The following RFX8 variants were observed in gnomAD, a reference collection of about 807,000 sequenced individuals.
RFX8 encodes regulatory factor X8.
RFX8 carries 46 observed loss-of-function variants against 54.6 expected under a neutral mutation model. That is an observed-to-expected ratio of 0.84 (90% CI 0.67 to 1.08). The LOEUF (loss-of-function observed/expected upper bound fraction) is 1.08. Ranked by LOEUF, RFX8 falls within the 50% of genes least tolerant of loss-of-function variation. RFX8 has a pLI of 0.00. For synonymous variants in RFX8, 192 were observed against 209.5 expected (o/e 0.92, Z 0.72); for missense variants, 536 against 562.3 (o/e 0.95, Z 0.47).
chr2:101,461,729 A>T (rs954217008), intron 2 of RFX8, among the ~76,000 whole-genome samples: 1 of 152,216 alleles, frequency 6.6e-6, no homozygotes. Context: ...AAATATAATT[A>T]AGTTAAAAAT....
chr2:101,423,259 C>CAAAAAA (rs10686930), intron 2 of RFX8, among the ~76,000 whole-genome samples: 1 of 97,002 alleles, frequency 1.0e-5, no homozygotes, highest in African/African-American at 4.0e-5. Context: ...AACTCCATCT[C>CAAAAAA]AAAAAAAAAA....
chr2:101,398,540 T>C (rs563657859), intron 11 of RFX8, among the ~76,000 whole-genome samples: 8 of 152,094 alleles, frequency 5.3e-5, no homozygotes, highest in African/African-American at 1.7e-4. Context: ...ATCCGTCAAA[T>C]AAACCACTAA....
intron 2 of RFX8, among the ~76,000 whole-genome samples, chr2:101,447,068 G>A (rs1388125855): frequency 6.6e-6 from 1 of 152,182 alleles, no homozygotes; most frequent in Non-Finnish European, 1.5e-5. Context: ...ATTTGAGGTT[G>A]AGTTTGAGGT....
intron 2 of RFX8, among the ~76,000 whole-genome samples, chr2:101,435,264 G>A (rs751259182): frequency 3.9e-5 from 6 of 152,188 alleles, no homozygotes; most frequent in Non-Finnish European, 7.4e-5. Flanking sequence ...GCTTTTTAAA[G>A]GCCTTTAATA....
intron 8 of RFX8, among the ~76,000 whole-genome samples, 167 bp downstream of exon 8, chr2:101,412,748 G>A (rs1234805809): frequency 2.0e-5 from 3 of 152,282 alleles, no homozygotes; most frequent in Non-Finnish European, 2.9e-5. Flanking sequence ...GCGTCCCCTG[G>A]GGTGTTCATC....
chr2:101,423,316 T>C (rs1485343152), intron 2 of RFX8, among the ~76,000 whole-genome samples: 1 of 150,664 alleles, frequency 6.6e-6, no homozygotes, highest in Non-Finnish European at 1.5e-5. Context: ...AAAGGTGGCA[T>C]GGCAGAAAGC....
chr2:101,474,439 G>T (rs897749890), intron 1 of RFX8, 197 bp downstream of exon 1: 4 of 363,036 alleles, frequency 1.1e-5, no homozygotes, highest in African/African-American at 8.5e-5. Flanking sequence ...CTCCAGGCCC[G>T]AGCCCGGGGG....
At chr2:101,437,773 TCCCAAG>T (rs1687860508) in intron 2 of RFX8, among the ~76,000 whole-genome samples, 1 of 11,406 alleles carries the variant, frequency 8.8e-5, no homozygotes, top group African/African-American at 1.8e-4. Context: ...ATCTTAAATT[TCCCAAG>T]TTTTACTTAA....
chr2:101,454,407 T>C (rs1688856692), intron 2 of RFX8, among the ~76,000 whole-genome samples: 1 of 152,256 alleles, frequency 6.6e-6, no homozygotes, highest in Non-Finnish European at 1.5e-5. Context: ...TTTGGGTATA[T>C]ACCCAGTAAT....
In RFX8 at chr2:101,402,620, C is replaced by G; in HGVS notation, c.1061G>C (p.Gly354Ala). ...ATGGAAAAGTGCCTGGTCTGGCTGG[C>G]CGAGAGTCGGGTCATCTGGTAGCAT... ...KEMLPDDPTL[G>A]QPDQALFHSL... The change falls in exon 11 of 12, where the codon GGC becomes GCC. Residue 354 changes from glycine to alanine, a missense_variant. Transcript: ENST00000428343. 1 of 1,552,374 alleles carries G rather than the reference C, an allele frequency of 6.4e-7. No homozygotes were observed. The highest frequency in any genetic ancestry group is 8.7e-7 in the Non-Finnish European group (1 of 1,147,230).
chr2:101,431,708 G>A (rs1319372113), intron 2 of RFX8, among the ~76,000 whole-genome samples: 3 of 152,136 alleles, frequency 2.0e-5, no homozygotes, highest in Admixed American at 1.3e-4. Context: ...TGCTCATTAC[G>A]ACTGAGTAAT....
At chr2:101,467,427 T>C (rs1689637745) in intron 1 of RFX8, among the ~76,000 whole-genome samples, 1 of 152,226 alleles carries the variant, frequency 6.6e-6, no homozygotes, top group East Asian at 1.9e-4. Context: ...GCATGGTTCT[T>C]AAACCCCTGT....
At position 101,418,850 on chromosome 2, in the gene RFX8, C is replaced by T. The variant is rs1686690045; in HGVS notation, c.351+1G>A. ...CTCTAGAGACTCACGCGTCCTCCTA[C>T]CTTGTACAGCTGGACGTCGTAGCAT... On this transcript the variant is annotated splice_donor_variant, in intron 5 of 11. Transcript: ENST00000428343. LOFTEE classifies it high-confidence loss of function. The T allele has an allele frequency of 1.9e-6, 3 of 1,539,366 alleles. No individual in the cohort carries two copies. The highest frequency in any genetic ancestry group is 1.4e-5 in the African/African-American group (1 of 72,806).
At chr2:101,421,238 T>C in intron 4 of RFX8, 1 of 985,326 alleles carries the variant, frequency 1.0e-6, no homozygotes, top group East Asian at 1.1e-4. Flanking sequence ...CTGCAGAAGA[T>C]GAAACTCAGA....
chr2:101,453,655 G>A (rs1032554626), intron 2 of RFX8, among the ~76,000 whole-genome samples: 8 of 152,084 alleles, frequency 5.3e-5, no homozygotes, highest in Admixed American at 1.3e-4. Flanking sequence ...ATGTGTAAGC[G>A]TTCTCTGTGT....
chr2:101,473,970 A>G (rs1690152160), intron 1 of RFX8, among the ~76,000 whole-genome samples: 1 of 152,200 alleles, frequency 6.6e-6, no homozygotes, highest in African/African-American at 2.4e-5. Context: ...GGGAAGTCAC[A>G]GATGGGAAGC....
chr2:101,410,508 A>T, intron 9 of RFX8, 111 bp downstream of exon 9: 1 of 642,408 alleles, frequency 1.6e-6, no homozygotes, highest in Non-Finnish European at 2.8e-6. Flanking sequence ...CAGCTTTGAC[A>T]CATTTCCGAC....
intron 2 of RFX8, among the ~76,000 whole-genome samples, chr2:101,457,959 T>G (rs1689073941): frequency 6.6e-6 from 1 of 152,228 alleles, no homozygotes; most frequent in Non-Finnish European, 1.5e-5. Flanking sequence ...TTTACCATTA[T>G]GTAATGGCCT....
chr2:101,458,349 C>T (rs7575923), intron 2 of RFX8, among the ~76,000 whole-genome samples: 52,260 of 151,776 alleles, frequency 0.34, 9,615 homozygotes, highest in African/African-American at 0.44. Flanking sequence ...TGACTGGTAT[C>T]GGCTGTTTGT....
Sources: allele counts gnomAD v4.1 joint callset (sites outside exome capture counted in the v4.1 genomes callset), GRCh38; gene constraint gnomAD v4.1.1; transcripts MANE v1.5; gene names NCBI Gene and HGNC (gene_info 2026-07-23, HGNC 2026-07-21).